APBB2: variants seen among roughly 807,000 people sequenced by gnomAD.
APBB2 encodes Fe65-like 1.
In APBB2, 38 loss-of-function variants were observed where a neutral mutation model predicts 82.5. The ratio of observed to expected loss-of-function variants is 0.46; its 90% CI spans 0.36 to 0.60. The LOEUF is 0.60. Among genes scored for constraint, APBB2 ranks in the 20% least tolerant of loss-of-function variants. The probability of loss-of-function intolerance (pLI) is 0.00; values close to 1 mark genes in which losing one functional copy is unlikely to be tolerated. For synonymous variants in APBB2, 341 were observed against 368.2 expected (o/e 0.93, Z 0.85); for missense variants, 772 against 972.3 (o/e 0.79, Z 2.74).
chr4:40,916,308 C>A (rs887056626), intron 10 of APBB2, among the ~76,000 whole-genome samples: 1 of 151,526 alleles, frequency 6.6e-6, no homozygotes, highest in African/African-American at 2.4e-5. Context: ...TCAGGCTAGA[C>A]CTGAAGACAG....
chr4:41,174,165 A>G (rs1769113639), intron 1 of APBB2, among the ~76,000 whole-genome samples: 1 of 152,182 alleles, frequency 6.6e-6, no homozygotes, highest in African/African-American at 2.4e-5. Context: ...GGCCCAGGCA[A>G]TATACTCAGG....
At chr4:41,178,009 G>T (rs1297331648) in intron 1 of APBB2, among the ~76,000 whole-genome samples, 1 of 152,138 alleles carries the variant, frequency 6.6e-6, no homozygotes, top group Non-Finnish European at 1.5e-5. Flanking sequence ...TATATATGAA[G>T]CACTAAGTAC....
intron 10 of APBB2, among the ~76,000 whole-genome samples, chr4:40,896,592 G>C (rs2154354567): frequency 6.6e-6 from 1 of 152,334 alleles, no homozygotes; most frequent in South Asian, 2.1e-4. Context: ...TTTGTTGAAT[G>C]AATGAGCAAA....
chr4:41,205,878 C>T (rs892098340), intron 1 of APBB2, among the ~76,000 whole-genome samples: 1 of 152,158 alleles, frequency 6.6e-6, no homozygotes, highest in South Asian at 2.1e-4. Flanking sequence ...TGTCAAAGTA[C>T]AATTCTGTTG....
intron 2 of APBB2, among the ~76,000 whole-genome samples, chr4:41,117,350 T>G (rs1312567590): frequency 2.0e-5 from 3 of 150,764 alleles, no homozygotes; most frequent in Non-Finnish European, 4.4e-5. Context: ...TGGAGTGCAG[T>G]GGCGCAATCT....
chr4:40,851,739 T>TATA (rs57639176), intron 12 of APBB2, among the ~76,000 whole-genome samples: 572 of 34,498 alleles, frequency 0.017, 2 homozygotes, highest in African/African-American at 0.029. Context: ...TATATATATA[T>TATA]TTTTTTTTTT....
chr4:40,928,656 C>A (rs1223074455), intron 10 of APBB2, among the ~76,000 whole-genome samples: 9 of 151,636 alleles, frequency 5.9e-5, no homozygotes, highest in Admixed American at 5.9e-4. Context: ...GAGGCCAAGG[C>A]GGATAGATCA....
chr4:41,106,232 T>C (rs932143679), intron 2 of APBB2, among the ~76,000 whole-genome samples: 4 of 152,164 alleles, frequency 2.6e-5, no homozygotes, highest in Non-Finnish European at 5.9e-5. Flanking sequence ...CTAAGTCACT[T>C]CTGGGGCAGA....
At chr4:40,880,523 T>G (rs941940890) in intron 12 of APBB2, 7 of 985,348 alleles carry the variant, frequency 7.1e-6, no homozygotes, top group Admixed American at 1.2e-4. Context: ...TGGTTATGAC[T>G]TCCTCTGTTC....
intron 13 of APBB2, 115 bp from the exon 14 acceptor site, chr4:40,827,334 C>G: frequency 1.2e-6 from 1 of 815,480 alleles, no homozygotes; most frequent in Non-Finnish European, 2.0e-6. Flanking sequence ...CAGCTTTAGT[C>G]TATTGCCTGA....
At chr4:40,929,487 G>C (rs1260079195) in intron 10 of APBB2, among the ~76,000 whole-genome samples, 1 of 152,116 alleles carries the variant, frequency 6.6e-6, no homozygotes, top group East Asian at 1.9e-4. Context: ...TTTTAGTAGA[G>C]ATGGGGTTTC....
chr4:41,148,779 T>C (rs961395458), intron 1 of APBB2, among the ~76,000 whole-genome samples: 1 of 152,222 alleles, frequency 6.6e-6, no homozygotes, highest in African/African-American at 2.4e-5. Context: ...TTAGTACATT[T>C]TTTTAGCGAG....
intron 3 of APBB2, among the ~76,000 whole-genome samples, chr4:41,066,081 T>G (rs1731693349): frequency 9.2e-6 from 1 of 109,252 alleles, no homozygotes; most frequent in African/African-American, 3.2e-5. Flanking sequence ...TTTAAAAGCT[T>G]GAAATGAGGA....
intron 17 of APBB2, among the ~76,000 whole-genome samples, chr4:40,820,907 TGCCCAG>T (rs1747681291): frequency 6.6e-6 from 1 of 151,908 alleles, no homozygotes; most frequent in Non-Finnish European, 1.5e-5. Flanking sequence ...TCCCTCTTGT[TGCCCAG>T]GCTGGAGTGC....
At chr4:40,911,962 G>T (rs1157209712) in intron 10 of APBB2, among the ~76,000 whole-genome samples, 1 of 152,174 alleles carries the variant, frequency 6.6e-6, no homozygotes, top group Non-Finnish European at 1.5e-5. Flanking sequence ...CATTAAATCG[G>T]ACCGGCTAGA....
intron 10 of APBB2, among the ~76,000 whole-genome samples, chr4:40,928,269 G>A (rs552878819): frequency 2.0e-5 from 3 of 152,324 alleles, no homozygotes; most frequent in Non-Finnish European, 2.9e-5. Flanking sequence ...GGGACTGGGC[G>A]CAGTGGCTCA....
Position 40,997,046 on chromosome 4 carries a change from C to G in APBB2, c.835+16537G>C, listed in dbSNP as rs1803822500. On this transcript the variant is annotated intron_variant, in intron 6 of 17. Coordinates refer to ENST00000508593, the MANE Select transcript of APBB2 (RefSeq NM_004307.2). ...CCGCTGCATATGGACAATGAGATGC[C>G]AGACCCCTCACCCTCACCTATCATG... Among the ~76,000 whole-genome samples the G allele has an allele frequency of 5.9e-5, 9 of 152,140 alleles. No homozygotes were observed. The South Asian group carries it at 1.9e-3, about 31-fold the overall frequency.
Position 40,948,760 on chromosome 4 carries a change from T to TAAA in APBB2, c.836-3690_836-3688dup, listed in dbSNP as rs34662232. On this transcript the variant is annotated intron_variant, in intron 6 of 17. Coordinates refer to ENST00000508593, the MANE Select transcript of APBB2 (RefSeq NM_004307.2). Reference sequence around the variant, plus strand: ...GGGTGACAGAGTGAGACTCCCATCTTAAAAAAAAAAAAAAAAAAAAAAAGA... The same window carrying TAAA: ...GGGTGACAGAGTGAGACTCCCATCTTAAAAAAAAAAAAAAAAAAAAAAAAAAGA... Among the ~76,000 whole-genome samples, 301 of 83,326 alleles carry TAAA rather than the reference T, an allele frequency of 3.6e-3. 4 individuals carry two copies. The highest frequency in any genetic ancestry group is 0.013 in the African/African-American group (271 of 20,796). The allele number at this position is 83,326 out of a possible 152,430, so 54.7% of individuals were successfully genotyped here.
intron 8 of APBB2, 54 bp from the exon 9 acceptor site, chr4:40,934,753 G>C: frequency 7.8e-7 from 1 of 1,280,750 alleles, no homozygotes; most frequent in African/African-American, 1.5e-5. Flanking sequence ...ACCATTCATT[G>C]CCTCAAATAT....
Sources: allele counts gnomAD v4.1 joint callset (sites outside exome capture counted in the v4.1 genomes callset), GRCh38; gene constraint gnomAD v4.1.1; transcripts MANE v1.5; gene names NCBI Gene and HGNC (gene_info 2026-07-23, HGNC 2026-07-21).